AQP8: variants seen among roughly 807,000 people sequenced by gnomAD.
AQP8 encodes the protein aquaporin 8, also known as aquaporin-8.
In AQP8, 14 loss-of-function variants were observed where a neutral mutation model predicts 26.1. The ratio of observed to expected loss-of-function variants is 0.54; its 90% CI spans 0.35 to 0.84. The LOEUF (loss-of-function observed/expected upper bound fraction) is 0.84, where lower values mean the gene tolerates loss of function less well. AQP8 is among the 40% of genes least tolerant of loss of function. The probability of loss-of-function intolerance (pLI) is 0.01; values close to 1 mark genes in which losing one functional copy is unlikely to be tolerated. For missense variants in AQP8, 301 were observed against 340.5 expected (o/e 0.88, Z 0.91); for synonymous variants, 131 against 150.7 (o/e 0.87, Z 0.96).
chr16:25,218,939 G>T (rs1962522646), intron 2 of AQP8, among the ~76,000 whole-genome samples: 1 of 151,372 alleles, frequency 6.6e-6, no homozygotes, highest in Admixed American at 6.6e-5. Context: ...AGACGTCCAA[G>T]GGAGGCTGCA....
chr16:25,228,699 C>G lies in AQP8; in HGVS notation c.*207C>G. The G allele has an allele frequency of 1.8e-6, 1 of 562,628 alleles. No homozygotes were observed. Among genetic ancestry groups the G allele is most frequent in the South Asian group, 2.1e-5 (1 of 47,258 alleles). 34.9% of individuals were successfully genotyped at this position (562,628 alleles called of 1,614,324 possible). Reference sequence around the variant, plus strand: ...AATTCCTTTGTGCTCATCAGAGACCCCAGCCTGGGGAACACGCTGCCCGCA... The same window carrying G: ...AATTCCTTTGTGCTCATCAGAGACCGCAGCCTGGGGAACACGCTGCCCGCA... On this transcript the variant is annotated 3_prime_UTR_variant, in exon 6 of 6. Transcript: ENST00000219660.
chr16:25,224,604 C>A, intron 4 of AQP8, 28 bp downstream of exon 4: 1 of 1,594,628 alleles, frequency 6.3e-7, no homozygotes, highest in Non-Finnish European at 8.5e-7. Context: ...GTGGGGTGAC[C>A]ATGCCCAGAT....
rs779376629 is a variant in AQP8, at chr16:25,227,082, G to C, written c.617G>C (p.Gly206Ala). 1 of 1,614,148 alleles carries C rather than the reference G, an allele frequency of 6.2e-7. No individual in the cohort carries two copies. Among genetic ancestry groups the C allele is most frequent in the South Asian group, 1.1e-5 (1 of 91,064 alleles). ...VDILAGGPVS[G>A]GCMNPARAFG... ...GGTGTTTGCAGGGGCCCTGTGTCTG[G>C]AGGCTGCATGAATCCCGCCCGTGCT... Residue 206 changes from glycine to alanine, a missense_variant, in exon 5 of 6, where the codon GGA becomes GCA. Coordinates refer to ENST00000219660, the MANE Select transcript of AQP8 (RefSeq NM_001169.3).
chr16:25,227,170 C>G lies in AQP8; in HGVS notation c.705C>G (p.Leu235=). 6.2e-7 allele frequency: 1 copy of G among 1,614,108 alleles called. No homozygotes were observed. Among genetic ancestry groups the G allele is most frequent in the Middle Eastern group, 1.6e-4 (1 of 6,062 alleles). The part of the protein sequence containing the change: ...NFHWIYWLGP[L]LAGLLVGLLI... The stretch of plus-strand genomic sequence containing the variant: ...ACTGGATCTACTGGCTGGGCCCACT[C>G]CTGGCTGGCCTGCTTGTTGGACTGC... Residue 235 remains leucine (L), a synonymous_variant, in exon 5 of 6, where the codon CTC becomes CTG. Coordinates refer to ENST00000219660, the MANE Select transcript of AQP8 (RefSeq NM_001169.3).
At chr16:25,227,648 C>T (rs565195510) in intron 5 of AQP8, among the ~76,000 whole-genome samples, 14 of 152,182 alleles carry the variant, frequency 9.2e-5, no homozygotes, top group African/African-American at 3.4e-4. Context: ...CCACCACGCC[C>T]AGCTAATTTT....
intron 2 of AQP8, 32 bp downstream of exon 2, chr16:25,217,477 C>G (rs1364425316): frequency 3.7e-6 from 6 of 1,607,430 alleles, no homozygotes; most frequent in East Asian, 2.2e-5. Flanking sequence ...CAGCCTGATG[C>G]TGACTTGGGG....
rs780774514 is a variant in AQP8 at position 25,227,103 on chromosome 16, G to A, written c.638G>A (p.Arg213His). ...TCTGGAGGCTGCATGAATCCCGCCC[G>A]TGCTTTTGGACCTGCGGTGGTGGCC... ...PVSGGCMNPA[R>H]AFGPAVVANH... Residue 213 changes from arginine (R) to histidine (H), a missense_variant, in exon 5 of 6, where the codon CGT becomes CAT. Arg to His is a conservative substitution (Grantham distance 29). Coordinates refer to ENST00000219660, the MANE Select transcript of AQP8 (RefSeq NM_001169.3). 14 of 1,614,150 alleles carry A rather than the reference G, an allele frequency of 8.7e-6. No homozygotes were observed. Among genetic ancestry groups the A allele is most frequent in the African/African-American group, 1.3e-5 (1 of 75,018 alleles).
chr16:25,217,585 C>A (rs190498934), intron 2 of AQP8, 140 bp downstream of exon 2: 2 of 1,208,314 alleles, frequency 1.7e-6, no homozygotes, highest in Non-Finnish European at 2.3e-6. Flanking sequence ...GGTTGGGAGT[C>A]AGACTGGGGT....
In AQP8 at chr16:25,217,214, C is replaced by G. The variant is rs1360980702; in HGVS notation, c.29C>G (p.Pro10Arg). Residue 10 changes from proline to arginine, a missense_variant, in exon 2 of 6, where the codon CCT becomes CGT. Coordinates refer to ENST00000219660, the MANE Select transcript of AQP8 (RefSeq NM_001169.3). Reference sequence around the variant, plus strand: ...CTACGGCAGATAGCCATGTGTGAGCCTGAATTTGGCAATGACAAGGCCAGG... The same window carrying G: ...CTACGGCAGATAGCCATGTGTGAGCGTGAATTTGGCAATGACAAGGCCAGG... Reference protein sequence around the residue: MSGEIAMCEPEFGNDKAREP... With the variant: MSGEIAMCEREFGNDKAREP... 1 of 1,614,170 alleles carries G rather than the reference C, an allele frequency of 6.2e-7. No homozygotes were observed. The highest frequency in any genetic ancestry group is 1.7e-5 in the Admixed American group (1 of 60,014).
chr16:25,217,020 T>G lies in AQP8; in HGVS notation c.-26T>G, dbSNP rs1479646611. 1.2e-6 allele frequency: 2 copies of G among 1,613,536 alleles called. No individual in the cohort carries two copies. Among genetic ancestry groups the G allele is most frequent in the African/African-American group, 1.3e-5 (1 of 74,816 alleles). On this transcript the variant is annotated 5_prime_UTR_variant, in exon 1 of 6. Transcript: ENST00000219660. The stretch of plus-strand genomic sequence containing the variant: ...GGTTTCCCAGCAGCTCAGGCAAGAG[T>G]CCGATGTTTGTGCCATCTGATCCTG...
At chr16:25,222,733 TG>T (rs1962580544) in intron 3 of AQP8, among the ~76,000 whole-genome samples, 1 of 152,046 alleles carries the variant, frequency 6.6e-6, no homozygotes, top group South Asian at 2.1e-4. Flanking sequence ...GGTCTGAAGC[TG>T]TAAGTGCTGA....
chr16:25,220,920 A>G (rs1204424975), intron 2 of AQP8, among the ~76,000 whole-genome samples: 1 of 152,168 alleles, frequency 6.6e-6, no homozygotes, highest in Non-Finnish European at 1.5e-5. Flanking sequence ...GCGTGGTGGC[A>G]CACACCTGTA....
In AQP8 at chr16:25,217,297, T is replaced by C. The variant is rs760436309; in HGVS notation, c.112T>C (p.Cys38Arg). The C allele has an allele frequency of 5.0e-6, 8 of 1,614,040 alleles. No homozygotes were observed. Among genetic ancestry groups the C allele is most frequent in the Non-Finnish European group, 6.8e-6 (8 of 1,180,030 alleles). The change falls in exon 2 of 6, where the codon TGT becomes CGT. Residue 38 changes from cysteine (C) to arginine (R), a missense_variant. Physicochemically the swap from Cys to Arg is radical, Grantham distance 180. Transcript: ENST00000219660. ...CTGGTACGAACGGTTTGTGCAGCCA[T>C]GTCTGGTCGAACTGCTGGGCTCTGC... Reference protein sequence around the residue: ...VSWYERFVQPCLVELLGSALF... With the variant: ...VSWYERFVQPRLVELLGSALF...
In AQP8 at chr16:25,228,512, C is replaced by T. The variant is rs1336084360; in HGVS notation, c.*20C>T. 6.2e-7 allele frequency: 1 copy of T among 1,613,754 alleles called. No homozygotes were observed. The highest frequency in any genetic ancestry group is 1.1e-5 in the South Asian group (1 of 91,072). Reference sequence around the variant, plus strand: ...CGGTGAAGCAGAGCTCGTGGGATTCCTGCTGCTCCAGGTGTCCTCAGCTCA... The same window carrying T: ...CGGTGAAGCAGAGCTCGTGGGATTCTTGCTGCTCCAGGTGTCCTCAGCTCA... On this transcript the variant is annotated 3_prime_UTR_variant, in exon 6 of 6. Transcript: ENST00000219660.
At position 25,228,579 on chromosome 16, in the gene AQP8, C is replaced by A; in HGVS notation, c.*87C>A. The A allele has an allele frequency of 6.8e-7, 1 of 1,471,250 alleles. No homozygotes were observed. 91.1% of individuals were successfully genotyped at this position (1,471,250 alleles called of 1,614,324 possible). ...GACAGGGGAGTTCCTGCATTTCCTG[C>A]CAGGGCAGAGGCCCAGAGGAGCGAC... is the stretch of plus-strand genomic sequence containing the variant. On this transcript the variant is annotated 3_prime_UTR_variant, in exon 6 of 6. Coordinates refer to ENST00000219660, the MANE Select transcript of AQP8 (RefSeq NM_001169.3).
chr16:25,218,452 G>A (rs540223717), intron 2 of AQP8, among the ~76,000 whole-genome samples: 12 of 152,280 alleles, frequency 7.9e-5, no homozygotes, highest in Admixed American at 1.3e-4. Flanking sequence ...CCATCACGAC[G>A]AAGATCTTGA....
At position 25,228,906 on chromosome 16, in the gene AQP8, C is replaced by T. The variant is rs983679427; in HGVS notation, c.*414C>T. 8 of 170,984 alleles carry T rather than the reference C, an allele frequency of 4.7e-5. No homozygotes were observed. Among genetic ancestry groups the T allele is most frequent in the African/African-American group, 1.7e-4 (7 of 41,980 alleles). 10.6% of individuals were successfully genotyped at this position (170,984 alleles called of 1,614,324 possible). On this transcript the variant is annotated 3_prime_UTR_variant, in exon 6 of 6. Transcript: ENST00000219660. ...TCTCAAGCTGACAATTCTCACTTTGCAATAAATAGTCCAGTGTTTCCTTCC... is the reference window on the plus strand; with the variant it reads ...TCTCAAGCTGACAATTCTCACTTTGTAATAAATAGTCCAGTGTTTCCTTCC...
rs1334576135 is a variant in AQP8, at chr16:25,227,091, T to C, written c.626T>C (p.Met209Thr). Residue 209 changes from methionine (M) to threonine (T), a missense_variant, in exon 5 of 6, where the codon ATG becomes ACG. Coordinates refer to ENST00000219660, the MANE Select transcript of AQP8 (RefSeq NM_001169.3). ...LAGGPVSGGCMNPARAFGPAV... is the reference protein window; with the variant it reads ...LAGGPVSGGCTNPARAFGPAV... Reference sequence around the variant, plus strand: ...AGGGGCCCTGTGTCTGGAGGCTGCATGAATCCCGCCCGTGCTTTTGGACCT... The same window carrying C: ...AGGGGCCCTGTGTCTGGAGGCTGCACGAATCCCGCCCGTGCTTTTGGACCT... The C allele has an allele frequency of 6.2e-7, 1 of 1,614,164 alleles. No individual in the cohort carries two copies. Among genetic ancestry groups the C allele is most frequent in the African/African-American group, 1.3e-5 (1 of 75,032 alleles).
At chr16:25,226,847 TGG>T (rs1962640985) in intron 4 of AQP8, among the ~76,000 whole-genome samples, 1 of 152,164 alleles carries the variant, frequency 6.6e-6, no homozygotes, top group African/African-American at 2.4e-5. Flanking sequence ...GAGGAGTGTG[TGG>T]GGAGTGCTGG....
Sources: allele counts gnomAD v4.1 joint callset (sites outside exome capture counted in the v4.1 genomes callset), GRCh38; gene constraint gnomAD v4.1.1; transcripts MANE v1.5; gene names NCBI Gene and HGNC (gene_info 2026-07-23, HGNC 2026-07-21).